Variants in AUTS2 observed in about 807,000 individuals in gnomAD.
AUTS2 encodes the protein autism susceptibility gene 2 protein.
A neutral mutation model predicts 112.4 loss-of-function variants in AUTS2; 17 were observed. The ratio of observed to expected loss-of-function variants is 0.15; its 90% CI spans 0.10 to 0.23. The LOEUF (loss-of-function observed/expected upper bound fraction) is 0.23, where lower values mean the gene tolerates loss of function less well. AUTS2 is among the 10% of genes least tolerant of loss of function. The probability of loss-of-function intolerance (pLI) is 1.00; values close to 1 mark genes in which losing one functional copy is unlikely to be tolerated. For missense variants in AUTS2, 1,510 were observed against 1,701.6 expected, an observed-to-expected ratio of 0.89 and a Z score of 1.98; for synonymous variants, 751 against 702.7, an observed-to-expected ratio of 1.07 and a Z score of -1.09.
In AUTS2 at chr7:70,235,825, G is replaced by A. The variant is rs1562809405; in HGVS notation, c.660+101254G>A. ...CACCACCATGCCGGGCTAATTTTTT[G>A]TGTTTTTAGTAGAGACGGGGGACGT... On this transcript the variant is annotated intron_variant, in intron 4 of 18. Coordinates refer to ENST00000342771, the MANE Select transcript of AUTS2 (RefSeq NM_015570.4). 2.6e-5 allele frequency among the ~76,000 whole-genome samples: 4 copies of A among 151,778 alleles called. No individual in the cohort carries two copies. In the South Asian group the frequency reaches 6.2e-4, roughly 24 times the overall value.
chr7:69,972,006 A>T (rs1388414822), intron 2 of AUTS2, among the ~76,000 whole-genome samples: 1 of 152,100 alleles, frequency 6.6e-6, no homozygotes, highest in African/African-American at 2.4e-5. Context: ...AAGCCACCAA[A>T]CTGTCTTCCT....
intron 5 of AUTS2, among the ~76,000 whole-genome samples, chr7:70,638,509 T>C (rs1454745107): frequency 2.6e-5 from 4 of 152,156 alleles, no homozygotes; most frequent in Non-Finnish European, 5.9e-5. Context: ...AATTATGCCG[T>C]CGTTGGCATT....
At position 69,729,287 on chromosome 7, in the gene AUTS2, A is replaced by T. The variant is rs1008157959; in HGVS notation, c.309+129325A>T. On this transcript the variant is annotated intron_variant, in intron 1 of 18. Transcript: ENST00000342771. ...AGTTGCTTTTCTTTCTCAACTTATG[A>T]TTGTATTTAACACATACTCGCATGC... is the stretch of plus-strand genomic sequence containing the variant. Among the ~76,000 whole-genome samples, 9 of 151,922 alleles carry T rather than the reference A, an allele frequency of 5.9e-5. 1 individual carries two copies. The highest frequency in any genetic ancestry group is 5.2e-4 in the Admixed American group (8 of 15,240).
At chr7:70,683,413 G>A (rs1476844434) in intron 5 of AUTS2, among the ~76,000 whole-genome samples, 1 of 152,174 alleles carries the variant, frequency 6.6e-6, no homozygotes, top group African/African-American at 2.4e-5. Flanking sequence ...TAGATGTTAA[G>A]GGCAATGGTG....
chr7:69,768,363 A>G (rs144264086), intron 1 of AUTS2, among the ~76,000 whole-genome samples: 47 of 152,362 alleles, frequency 3.1e-4, no homozygotes, highest in Non-Finnish European at 5.0e-4. Context: ...TAATTTTACA[A>G]TAACCTAGTG....
At chr7:70,781,403 T>G in intron 14 of AUTS2, 1 of 482,384 alleles carries the variant, frequency 2.1e-6, no homozygotes, top group Non-Finnish European at 3.5e-6. Flanking sequence ...AACACTAGTG[T>G]TGTCACTAGA....
At chr7:69,727,996 G>T (rs1232194868) in intron 1 of AUTS2, among the ~76,000 whole-genome samples, 1 of 152,108 alleles carries the variant, frequency 6.6e-6, no homozygotes, top group Admixed American at 6.5e-5. Flanking sequence ...AGCCAAAATT[G>T]AGAACCTATG....
intron 5 of AUTS2, among the ~76,000 whole-genome samples, chr7:70,501,444 T>C (rs1434745264): frequency 6.6e-6 from 1 of 152,148 alleles, no homozygotes; most frequent in Non-Finnish European, 1.5e-5. Flanking sequence ...AAATCAGTAG[T>C]CAGAACCCAG....
chr7:70,177,410 C>T (rs1809048708), intron 4 of AUTS2, among the ~76,000 whole-genome samples: 1 of 152,136 alleles, frequency 6.6e-6, no homozygotes, highest in Non-Finnish European at 1.5e-5. Context: ...CACCATGATA[C>T]CTCAGAGATG....
At chr7:70,608,101 A>ATTTAT (rs1022511829) in intron 5 of AUTS2, among the ~76,000 whole-genome samples, 106 of 152,004 alleles carry the variant, frequency 7.0e-4, no homozygotes, top group Non-Finnish European at 1.1e-3. Context: ...AGTCTTTGGC[A>ATTTAT]TTTATTTTAT....
intron 1 of AUTS2, among the ~76,000 whole-genome samples, chr7:69,782,896 C>T (rs1012267199): frequency 1.3e-5 from 2 of 152,138 alleles, no homozygotes; most frequent in Admixed American, 1.3e-4. Context: ...ATGTTTAACT[C>T]AGTCATAATA....
rs917803753 is a variant in AUTS2, at chr7:70,346,784, C to T, written c.661-88968C>T. On this transcript the variant is annotated intron_variant, in intron 4 of 18. Coordinates refer to ENST00000342771, the MANE Select transcript of AUTS2 (RefSeq NM_015570.4). ...AGCACTCACCAGGCACCCAACTCTG[C>T]GCCAGGCTCCATGGTCCCCAAATGA... 4.6e-5 allele frequency among the ~76,000 whole-genome samples: 7 copies of T among 152,154 alleles called. No homozygotes were observed. The East Asian group carries it at 5.8e-4, about 13-fold the overall frequency.
intron 6 of AUTS2, among the ~76,000 whole-genome samples, chr7:70,712,996 C>G (rs1026488035): frequency 6.6e-6 from 1 of 152,218 alleles, no homozygotes; most frequent in African/African-American, 2.4e-5. Flanking sequence ...CTTCCACTCT[C>G]TATAGCCTTG....
chr7:70,788,167 A>G (rs1240413777), intron 18 of AUTS2, among the ~76,000 whole-genome samples: 1 of 151,972 alleles, frequency 6.6e-6, no homozygotes, highest in Non-Finnish European at 1.5e-5. Flanking sequence ...ATTTATTTTC[A>G]CTTTAAATGA....
chr7:70,239,499 G>T (rs991874035), intron 4 of AUTS2, among the ~76,000 whole-genome samples: 1 of 151,916 alleles, frequency 6.6e-6, no homozygotes, highest in African/African-American at 2.4e-5. Context: ...GCAATGGTGC[G>T]ATCTTGGCTC....
intron 1 of AUTS2, among the ~76,000 whole-genome samples, chr7:69,883,282 CTT>C (rs371904658): frequency 2.2e-5 from 3 of 137,694 alleles, no homozygotes; most frequent in Non-Finnish European, 1.6e-5. Flanking sequence ...CATAGAGTTC[CTT>C]TTTTTTTTTT....
intron 4 of AUTS2, among the ~76,000 whole-genome samples, chr7:70,148,417 A>G (rs1032699821): frequency 2.0e-5 from 3 of 152,154 alleles, no homozygotes; most frequent in Admixed American, 6.6e-5. Context: ...TCATCATTTC[A>G]TTGAGTCCTG....
At chr7:70,091,464 C>T (rs1227121793) in intron 2 of AUTS2, among the ~76,000 whole-genome samples, 1 of 152,094 alleles carries the variant, frequency 6.6e-6, no homozygotes, top group Non-Finnish European at 1.5e-5. Flanking sequence ...CACTCCAGGT[C>T]CTATAAATTT....
intron 1 of AUTS2, among the ~76,000 whole-genome samples, chr7:69,750,680 A>C (rs1054135611): frequency 4.6e-5 from 7 of 151,768 alleles, no homozygotes; most frequent in Non-Finnish European, 1.0e-4. Flanking sequence ...ATTTTTTGTA[A>C]AGATCTGGGC....
Sources: allele counts gnomAD v4.1 joint callset (sites outside exome capture counted in the v4.1 genomes callset), GRCh38; gene constraint gnomAD v4.1.1; transcripts MANE v1.5; gene names NCBI Gene and HGNC (gene_info 2026-07-23, HGNC 2026-07-21).